Variants in SGCZ observed in about 807,000 individuals in gnomAD.
SGCZ encodes sarcoglycan zeta.
SGCZ carries 40 observed loss-of-function variants against 41.3 expected under a neutral mutation model. The observed-to-expected ratio is 0.97, with a 90% CI of 0.75 to 1.26. The LOEUF (loss-of-function observed/expected upper bound fraction) is 1.26. Among genes scored for constraint, SGCZ ranks in the 50% most tolerant of loss-of-function variants. The pLI is 0.00. For synonymous variants in SGCZ, 206 were observed against 137.5 expected (o/e 1.50, Z -3.49); for missense variants, 552 against 369.8 (o/e 1.49, Z -4.04).
intron 1 of SGCZ, among the ~76,000 whole-genome samples, chr8:14,625,844 G>A (rs536009312): frequency 3.9e-5 from 6 of 152,134 alleles, no homozygotes; most frequent in Non-Finnish European, 7.4e-5. Context: ...AGTTTCAGAT[G>A]ACATTAAAAG....
At chr8:14,702,685 T>G (rs1003511244) in intron 1 of SGCZ, among the ~76,000 whole-genome samples, 2 of 150,996 alleles carry the variant, frequency 1.3e-5, no homozygotes, top group Non-Finnish European at 2.9e-5. Flanking sequence ...CTGATGACTT[T>G]CTCTCAAATG....
chr8:14,721,546 C>A (rs925458901), intron 1 of SGCZ, among the ~76,000 whole-genome samples: 1 of 152,166 alleles, frequency 6.6e-6, no homozygotes, highest in Non-Finnish European at 1.5e-5. Context: ...ATCCCACTGG[C>A]CTTTAAAGTA....
At chr8:14,382,854 A>T (rs187752545) in intron 2 of SGCZ, among the ~76,000 whole-genome samples, 1 of 152,078 alleles carries the variant, frequency 6.6e-6, no homozygotes. Flanking sequence ...AAACTGCTAG[A>T]CTCTTGTACT....
intron 1 of SGCZ, among the ~76,000 whole-genome samples, chr8:15,145,464 G>A (rs116000367): frequency 2.6e-4 from 39 of 152,136 alleles, no homozygotes; most frequent in African/African-American, 7.2e-4. Context: ...TTAGTATCTC[G>A]GAACTTCTGT....
At chr8:14,224,031 G>A (rs147527733) in intron 4 of SGCZ, among the ~76,000 whole-genome samples, 4 of 152,222 alleles carry the variant, frequency 2.6e-5, no homozygotes, top group African/African-American at 9.6e-5. Context: ...CCCTCAACTT[G>A]TACCTATTCA....
At chr8:14,463,120 T>A (rs1197289579) in intron 2 of SGCZ, among the ~76,000 whole-genome samples, 2 of 151,716 alleles carry the variant, frequency 1.3e-5, no homozygotes, top group Admixed American at 6.6e-5. Context: ...AAGATCATAT[T>A]ATCTGCAAAA....
chr8:14,260,238 A>T (rs1195695132), intron 3 of SGCZ, among the ~76,000 whole-genome samples: 5 of 152,090 alleles, frequency 3.3e-5, no homozygotes, highest in East Asian at 3.8e-4. Flanking sequence ...ATGAACTCAA[A>T]CAAATTTACA....
At chr8:14,289,157 T>A (rs2116939302) in intron 3 of SGCZ, among the ~76,000 whole-genome samples, 1 of 152,244 alleles carries the variant, frequency 6.6e-6, no homozygotes, top group African/African-American at 2.4e-5. Context: ...ATTCTTTAAT[T>A]ATTTTGGATG....
intron 1 of SGCZ, among the ~76,000 whole-genome samples, chr8:14,940,296 CA>C (rs1461126235): frequency 9.2e-5 from 14 of 152,122 alleles, no homozygotes; most frequent in African/African-American, 3.4e-4. Flanking sequence ...GCATCATCAT[CA>C]AATGTTTGCC....
chr8:15,068,343 C>T (rs948274358), intron 1 of SGCZ, among the ~76,000 whole-genome samples: 1 of 152,148 alleles, frequency 6.6e-6, no homozygotes, highest in Non-Finnish European at 1.5e-5. Flanking sequence ...CAGTGAGGCC[C>T]ACACTGTAAC....
chr8:15,019,689 C>G (rs1238120129), intron 1 of SGCZ, among the ~76,000 whole-genome samples: 2 of 151,646 alleles, frequency 1.3e-5, no homozygotes, highest in African/African-American at 4.9e-5. Context: ...ACAGGAATCT[C>G]ACTGTGATGC....
At chr8:15,057,024 C>G (rs939091015) in intron 1 of SGCZ, among the ~76,000 whole-genome samples, 2 of 152,206 alleles carry the variant, frequency 1.3e-5, no homozygotes, top group Admixed American at 1.3e-4. Context: ...TGAGGTCACA[C>G]TGCCAACAGC....
At chr8:14,205,160 T>C (rs1329822525) in intron 4 of SGCZ, among the ~76,000 whole-genome samples, 1 of 97,530 alleles carries the variant, frequency 1.0e-5, no homozygotes, top group Non-Finnish European at 2.0e-5. Context: ...AAAAGTGGTA[T>C]CCTAGACTTT....
chr8:14,527,174 A>G (rs1486262178), intron 2 of SGCZ, among the ~76,000 whole-genome samples: 1 of 152,172 alleles, frequency 6.6e-6, no homozygotes, highest in Non-Finnish European at 1.5e-5. Flanking sequence ...TGCAAATCAG[A>G]CTAGAAAAGA....
intron 1 of SGCZ, among the ~76,000 whole-genome samples, chr8:14,952,442 G>C (rs545156055): frequency 2.7e-4 from 41 of 152,176 alleles, no homozygotes; most frequent in Non-Finnish European, 5.3e-4. Context: ...TGATTTACTG[G>C]TAATGCTGCA....
At chr8:14,897,416 C>A (rs1428680578) in intron 1 of SGCZ, among the ~76,000 whole-genome samples, 2 of 152,118 alleles carry the variant, frequency 1.3e-5, no homozygotes, top group Non-Finnish European at 2.9e-5. Context: ...TTAGCCCTTC[C>A]TCTTAAACTT....
chr8:14,698,533 G>C (rs1326852229), intron 1 of SGCZ, among the ~76,000 whole-genome samples: 1 of 151,774 alleles, frequency 6.6e-6, no homozygotes, highest in African/African-American at 2.4e-5. Context: ...TAAAATTATA[G>C]AAATTTAGCA....
At chr8:14,137,814 CA>C (rs1466108137) in intron 5 of SGCZ, among the ~76,000 whole-genome samples, 1 of 152,122 alleles carries the variant, frequency 6.6e-6, no homozygotes, top group African/African-American at 2.4e-5. Flanking sequence ...CATTGAAATT[CA>C]GGAAATACAG....
chr8:14,899,083 A>AT (rs773399911), intron 1 of SGCZ, among the ~76,000 whole-genome samples: 4 of 151,540 alleles, frequency 2.6e-5, no homozygotes, highest in East Asian at 3.9e-4. Flanking sequence ...AGGAACTGTA[A>AT]TTTTTTTTTC....
Sources: gnomAD v4.1 joint callset for allele counts (sites outside exome capture counted in the v4.1 genomes callset) on GRCh38, gnomAD v4.1.1 for gene constraint, MANE v1.5 for transcripts, NCBI Gene and HGNC (gene_info 2026-07-23, HGNC 2026-07-21) for gene names.